ESRRG: variants seen among roughly 807,000 people sequenced by gnomAD.
ESRRG encodes the protein estrogen-related receptor gamma.
A neutral mutation model predicts 44.0 loss-of-function variants in ESRRG; 13 were observed. The observed-to-expected ratio is 0.30, with a 90% CI of 0.19 to 0.47. The LOEUF (loss-of-function observed/expected upper bound fraction) is 0.47. ESRRG is among the 20% of genes least tolerant of loss of function. The probability of loss-of-function intolerance (pLI) is 1.00; values close to 1 mark genes in which losing one functional copy is unlikely to be tolerated. For missense variants in ESRRG, 395 were observed against 580.6 expected (o/e 0.68, Z 3.29); for synonymous variants, 215 against 214.6 (o/e 1.00, Z -0.02).
chr1:216,658,901 A>AAGAGAAGAGAAGAGAAGAGAAGAGG (rs2071463080), intron 2 of ESRRG, among the ~76,000 whole-genome samples: 1 of 149,586 alleles, frequency 6.7e-6, no homozygotes, highest in African/African-American at 2.5e-5. Flanking sequence ...AAGAGAAGAG[A>AAGAGAAGAGAAGAGAAGAGAAGAGG]AGAGAAGAGA....
At chr1:216,744,025 G>T (rs891273660) in intron 2 of ESRRG, among the ~76,000 whole-genome samples, 1 of 152,086 alleles carries the variant, frequency 6.6e-6, no homozygotes, top group Admixed American at 6.6e-5. Context: ...GTGTGATTCT[G>T]TTCATTTATC....
intron 5 of ESRRG, among the ~76,000 whole-genome samples, chr1:216,550,295 C>T (rs747899677): frequency 2.6e-4 from 39 of 152,046 alleles, no homozygotes; most frequent in Non-Finnish European, 4.7e-4. Context: ...AAAGACAAGA[C>T]GATGATTTAT....
At chr1:217,071,211 G>A (rs2090511017) in intron 1 of ESRRG, among the ~76,000 whole-genome samples, 2 of 152,032 alleles carry the variant, frequency 1.3e-5, no homozygotes, top group African/African-American at 4.8e-5. Context: ...GAATACCCTA[G>A]AATAAATGCA....
chr1:216,523,502 GT>G (rs572065983), intron 5 of ESRRG, among the ~76,000 whole-genome samples: 9,435 of 141,282 alleles, frequency 0.067, 962 homozygotes, highest in African/African-American at 0.23. Flanking sequence ...TTTTTTTTTT[GT>G]TTTTTTTTTT....
intron 2 of ESRRG, among the ~76,000 whole-genome samples, chr1:216,775,865 AT>A (rs879514502): frequency 6.6e-5 from 10 of 151,606 alleles, no homozygotes; most frequent in Admixed American, 5.9e-4. Context: ...GTGCCAAGCT[AT>A]TTTTTTATAC....
intron 3 of ESRRG, among the ~76,000 whole-genome samples, chr1:216,601,016 C>A (rs1013215140): frequency 1.3e-5 from 2 of 152,226 alleles, no homozygotes; most frequent in African/African-American, 2.4e-5. Context: ...CTCCCCGGTT[C>A]TCTGCCTGGA....
At chr1:216,694,771 G>A (rs535965945) in intron 1 of ESRRG, among the ~76,000 whole-genome samples, 24 of 152,040 alleles carry the variant, frequency 1.6e-4, no homozygotes, top group African/African-American at 5.8e-4. Flanking sequence ...TGCCCAGGCT[G>A]GTCCTGAACT....
intron 2 of ESRRG, among the ~76,000 whole-genome samples, chr1:216,932,246 T>G (rs1201741723): frequency 6.6e-6 from 1 of 151,968 alleles, no homozygotes; most frequent in African/African-American, 2.4e-5. Context: ...GAATCATTTT[T>G]AGAACACATT....
intron 2 of ESRRG, among the ~76,000 whole-genome samples, chr1:216,925,178 C>T (rs549241438): frequency 6.6e-6 from 1 of 152,296 alleles, no homozygotes; most frequent in African/African-American, 2.4e-5. Context: ...GTGGCTCATG[C>T]CTGTAATCTC....
intron 2 of ESRRG, among the ~76,000 whole-genome samples, chr1:216,736,731 A>G (rs896291831): frequency 6.6e-6 from 1 of 152,144 alleles, no homozygotes; most frequent in Non-Finnish European, 1.5e-5. Flanking sequence ...AATCTCCATC[A>G]AGTAGAAGCT....
intron 1 of ESRRG, among the ~76,000 whole-genome samples, chr1:217,031,990 C>T (rs2082139289): frequency 1.3e-5 from 2 of 152,116 alleles, no homozygotes; most frequent in Non-Finnish European, 2.9e-5. Flanking sequence ...ACCGACTGCC[C>T]CAGTTTGCCA....
At chr1:216,995,316 T>C (rs2076241629) in intron 1 of ESRRG, among the ~76,000 whole-genome samples, 1 of 152,222 alleles carries the variant, frequency 6.6e-6, no homozygotes, top group South Asian at 2.1e-4. Flanking sequence ...GTCCGTTGCC[T>C]ATCTGTGGTT....
intron 2 of ESRRG, among the ~76,000 whole-genome samples, chr1:216,892,688 C>A (rs1023433903): frequency 6.6e-6 from 1 of 152,076 alleles, no homozygotes; most frequent in Non-Finnish European, 1.5e-5. Flanking sequence ...TTAAATTCAG[C>A]GAAAGGACGA....
chr1:216,894,357 G>A (rs2058168398), intron 2 of ESRRG, among the ~76,000 whole-genome samples: 1 of 152,170 alleles, frequency 6.6e-6, no homozygotes, highest in African/African-American at 2.4e-5. Context: ...CCCTGAGTCA[G>A]GTAATTTGTC....
intron 2 of ESRRG, among the ~76,000 whole-genome samples, chr1:216,870,530 G>C (rs1339087643): frequency 6.6e-6 from 1 of 151,794 alleles, no homozygotes; most frequent in Non-Finnish European, 1.5e-5. Flanking sequence ...AAAATGAACT[G>C]GGAAGTGTTC....
chr1:216,720,534 A>T (rs949049998), intron 1 of ESRRG, among the ~76,000 whole-genome samples: 6 of 151,736 alleles, frequency 4.0e-5, no homozygotes, highest in Admixed American at 6.6e-5. Flanking sequence ...ATCATTCCCT[A>T]AAAAAAAGGC....
intron 1 of ESRRG, among the ~76,000 whole-genome samples, chr1:217,044,552 A>G (rs1171895373): frequency 6.6e-6 from 1 of 152,146 alleles, no homozygotes; most frequent in Non-Finnish European, 1.5e-5. Context: ...TTCACTCCCT[A>G]TGCTGACCTC....
intron 3 of ESRRG, among the ~76,000 whole-genome samples, chr1:216,623,043 A>G (rs2062537685): frequency 6.8e-6 from 1 of 146,850 alleles, no homozygotes; most frequent in Non-Finnish European, 1.5e-5. Context: ...AATGCAACTT[A>G]TGACTAAAAC....
chr1:217,112,967 A>T (rs541012354), intron 1 of ESRRG, among the ~76,000 whole-genome samples: 1 of 152,332 alleles, frequency 6.6e-6, no homozygotes, highest in East Asian at 1.9e-4. Context: ...GATGTATCTT[A>T]AAGATATGTA....
Sources: allele counts gnomAD v4.1 joint callset (sites outside exome capture counted in the v4.1 genomes callset), GRCh38; gene constraint gnomAD v4.1.1; transcripts MANE v1.5; gene names NCBI Gene and HGNC (gene_info 2026-07-23, HGNC 2026-07-21).